The following NSD1 variants were observed in gnomAD, a reference collection of about 807,000 sequenced individuals.
The protein encoded by NSD1 is histone-lysine N-methyltransferase, H3 lysine-36 specific.
In NSD1, 26 loss-of-function variants were observed where a neutral mutation model predicts 242.7. The observed-to-expected ratio is 0.11, with a 90% CI of 0.08 to 0.15. The LOEUF (loss-of-function observed/expected upper bound fraction) is 0.15, where lower values mean the gene tolerates loss of function less well. NSD1 is among the 10% of genes least tolerant of loss of function. The probability of loss-of-function intolerance (pLI) is 1.00; values close to 1 mark genes in which losing one functional copy is unlikely to be tolerated. For missense variants in NSD1, 2,495 were observed against 3,272.8 expected, an observed-to-expected ratio of 0.76 and a Z score of 5.80; for synonymous variants, 1,106 against 1,178.1, an observed-to-expected ratio of 0.94 and a Z score of 1.25.
intron 3 of NSD1, among the ~76,000 whole-genome samples, chr5:177,201,173 C>T (rs960295568): frequency 1.3e-5 from 2 of 152,038 alleles, no homozygotes; most frequent in Non-Finnish European, 2.9e-5. Flanking sequence ...AGGTGTGAGC[C>T]ACTGTGTCCA....
At chr5:177,241,637 G>A (rs1247551765) in intron 8 of NSD1, among the ~76,000 whole-genome samples, 1 of 152,114 alleles carries the variant, frequency 6.6e-6, no homozygotes, top group African/African-American at 2.4e-5. Flanking sequence ...GGGGAGAGGG[G>A]GTTGCCGTTA....
chr5:177,273,548 T>G, intron 16 of NSD1, 124 bp from the exon 17 acceptor site: 1 of 749,380 alleles, frequency 1.3e-6, no homozygotes, highest in Non-Finnish European at 2.4e-6. Flanking sequence ...CATATAGCAT[T>G]GGTCGATTTT....
In NSD1 at chr5:177,269,875, A is replaced by G. The variant is rs976796676; in HGVS notation, c.5509+68A>G. 1.5e-6 allele frequency: 2 copies of G among 1,363,982 alleles called. No homozygotes were observed. The highest frequency in any genetic ancestry group is 1.4e-5 in the African/African-American group (1 of 69,370). The allele number at this position is 1,363,982 out of a possible 1,614,324, so 84.5% of individuals were successfully genotyped here. On this transcript the variant is annotated intron_variant, in intron 16 of 22. Transcript: ENST00000439151. The surrounding 1 kb of genome is among the most constrained non-coding windows in gnomAD (Gnocchi z 5.1). ...GTTACCTGAGTGTCTGATCTGTTTT[A>G]GAATTCACATATGCTCCATTTTGAA...
chr5:177,274,994 A>G (rs2127245830), intron 17 of NSD1, among the ~76,000 whole-genome samples: 1 of 151,960 alleles, frequency 6.6e-6, no homozygotes, highest in South Asian at 2.1e-4. Flanking sequence ...ACAGCCTCCC[A>G]AAGTGCTGGG....
rs553219456 is a variant in NSD1, at chr5:177,287,465, G to A, written c.6152-1354G>A. On this transcript the variant is annotated intron_variant, in intron 20 of 22. Transcript: ENST00000439151. ...AGCATGGCTAACATGGTGAAACACC[G>A]TCTCTACTAAAAATACAAAAACTAG... 1.9e-3 allele frequency among the ~76,000 whole-genome samples: 296 copies of A among 152,198 alleles called. 1 individual carries two copies. Among genetic ancestry groups the A allele is most frequent in the African/African-American group, 6.8e-3 (284 of 41,550 alleles).
At chr5:177,159,022 A>ATATATATATATG (rs1215294756) in intron 2 of NSD1, among the ~76,000 whole-genome samples, 273 of 121,396 alleles carry the variant, frequency 2.2e-3, no homozygotes, top group Middle Eastern at 0.02. Flanking sequence ...ATATATATAT[A>ATATATATATATG]TATGAATGAT....
In NSD1 at chr5:177,210,000, G is replaced by A. The variant is rs2149843256; in HGVS notation, c.1601G>A (p.Gly534Asp). The change falls in exon 5 of 23, where the codon GGC becomes GAC. Residue 534 changes from glycine (G) to aspartate (D), a missense_variant. Transcript: ENST00000439151. Reference protein sequence around the residue: ...ERRGKIPENLGLNFISGDISD... With the variant: ...ERRGKIPENLDLNFISGDISD... ...AGGGGAAAGATTCCAGAGAACCTTG[G>A]CCTAAACTTTATCTCTGGGGATATA... The A allele has an allele frequency of 3.7e-6, 6 of 1,614,116 alleles. No individual in the cohort carries two copies. The highest frequency in any genetic ancestry group is 1.1e-5 in the South Asian group (1 of 91,078).
rs568359016 is a variant in NSD1, at chr5:177,216,788, C to T, written c.3796+4593C>T. Among the ~76,000 whole-genome samples, 6 of 150,950 alleles carry T rather than the reference C, an allele frequency of 4.0e-5. No homozygotes were observed. In the East Asian group the frequency reaches 7.8e-4, roughly 20 times the overall value. ...CCTCCTGCCTCAGACTCCCAAAAAG[C>T]GGGGATTACAGGTGTGAGCCACCAC... On this transcript the variant is annotated intron_variant, in intron 5 of 22. Transcript: ENST00000439151.
intron 18 of NSD1, 44 bp downstream of exon 18, chr5:177,280,878 T>C (rs1353311636): frequency 6.3e-7 from 1 of 1,589,512 alleles, no homozygotes; most frequent in Non-Finnish European, 8.6e-7. Context: ...CTCTTTGCAG[T>C]TGCTTGATAT....
At chr5:177,223,187 T>A (rs1346522070) in intron 5 of NSD1, among the ~76,000 whole-genome samples, 1 of 149,452 alleles carries the variant, frequency 6.7e-6, no homozygotes, top group Non-Finnish European at 1.5e-5. Flanking sequence ...GTTCAAGGAG[T>A]TCTCATGTCT....
rs370065714 is a variant in NSD1, at chr5:177,159,354, G to C, written c.927+23324G>C. Reference sequence around the variant, plus strand: ...GGCTGGAGTGCGGTGGCAGTATCTTGGCTCCCTGTAACCCATCTCCCTGGT... The same window carrying C: ...GGCTGGAGTGCGGTGGCAGTATCTTCGCTCCCTGTAACCCATCTCCCTGGT... On this transcript the variant is annotated intron_variant, in intron 2 of 22. Transcript: ENST00000439151. Among the ~76,000 whole-genome samples, 26 of 150,606 alleles carry C rather than the reference G, an allele frequency of 1.7e-4. No homozygotes were observed. In the East Asian group the frequency reaches 5.1e-3, roughly 30 times the overall value.
chr5:177,250,925 C>G (rs1755894735), intron 11 of NSD1, among the ~76,000 whole-genome samples: 1 of 152,158 alleles, frequency 6.6e-6, no homozygotes, highest in South Asian at 2.1e-4. Flanking sequence ...GGTGCGGTGG[C>G]TCACACCTGT....
intron 12 of NSD1, among the ~76,000 whole-genome samples, chr5:177,255,208 G>T (rs544766992): frequency 6.6e-6 from 1 of 152,078 alleles, no homozygotes; most frequent in East Asian, 1.9e-4. Flanking sequence ...GGGAGGCTAA[G>T]TCACGAGAAT....
At chr5:177,257,759 C>T (rs1484507333) in intron 13 of NSD1, among the ~76,000 whole-genome samples, 3 of 152,022 alleles carry the variant, frequency 2.0e-5, no homozygotes, top group African/African-American at 7.2e-5. Flanking sequence ...TGTTCTGCTG[C>T]ATGTCCTCTT....
intron 2 of NSD1, among the ~76,000 whole-genome samples, chr5:177,183,732 C>T (rs1760882127): frequency 6.6e-6 from 1 of 151,976 alleles, no homozygotes; most frequent in South Asian, 2.1e-4. Flanking sequence ...TTTTTTTGGA[C>T]TTACTGAATC....
intron 5 of NSD1, among the ~76,000 whole-genome samples, chr5:177,235,561 C>G (rs1765378499): frequency 6.6e-6 from 1 of 152,010 alleles, no homozygotes; most frequent in Non-Finnish European, 1.5e-5. Flanking sequence ...TAAATTTAAC[C>G]TTTTCCTTAA....
At chr5:177,166,215 C>G (rs114944110) in intron 2 of NSD1, among the ~76,000 whole-genome samples, 3,869 of 151,980 alleles carry the variant, frequency 0.025, 50 homozygotes, top group African/African-American at 0.029. Context: ...GCCTGGCCTC[C>G]CAGCCCACAT....
At chr5:177,187,088 A>G (rs1036907668) in intron 2 of NSD1, among the ~76,000 whole-genome samples, 2 of 148,882 alleles carry the variant, frequency 1.3e-5, no homozygotes, top group African/African-American at 5.0e-5. Flanking sequence ...AATCGTTACA[A>G]TTGTGACTTA....
intron 2 of NSD1, among the ~76,000 whole-genome samples, chr5:177,164,149 C>CTTTTT (rs56076836): frequency 6.5e-5 from 9 of 138,392 alleles, no homozygotes; most frequent in Non-Finnish European, 6.1e-5. Context: ...AAAATGTAAC[C>CTTTTT]TTTTTTTTTT....
Sources: gnomAD v4.1 joint callset for allele counts (sites outside exome capture counted in the v4.1 genomes callset) on GRCh38, gnomAD v4.1.1 for gene constraint, Gnocchi (gnomAD v3.1) non-coding constraint, MANE v1.5 for transcripts, NCBI Gene and HGNC (gene_info 2026-07-23, HGNC 2026-07-21) for gene names.